Variants in CNBD1 observed in about 807,000 individuals in gnomAD.
CNBD1 encodes the protein cyclic nucleotide binding domain containing 1.
CNBD1 carries 71 observed loss-of-function variants against 54.4 expected under a neutral mutation model. That is an observed-to-expected ratio of 1.30 (90% CI 1.08 to 1.59). The LOEUF (loss-of-function observed/expected upper bound fraction) is 1.59. Among genes scored for constraint, CNBD1 ranks in the 40% most tolerant of loss-of-function variants. The pLI, the probability that CNBD1 is intolerant of heterozygous loss-of-function variation, is 0.00. For missense variants in CNBD1, 659 were observed against 518.0 expected, an observed-to-expected ratio of 1.27 and a Z score of -2.64; for synonymous variants, 182 against 170.7, an observed-to-expected ratio of 1.07 and a Z score of -0.51.
intron 3 of CNBD1, among the ~76,000 whole-genome samples, chr8:86,928,643 T>G (rs997840394): frequency 2.6e-5 from 4 of 152,202 alleles, no homozygotes; most frequent in Admixed American, 2.0e-4. Context: ...CCAACAAGTA[T>G]TGAAATCCCC....
rs985006700 is a variant in CNBD1 at position 87,304,409 on chromosome 8, T to C, written c.1042+17738T>C. ...GGACAAAAAACCAAACACTGCATGT[T>C]CTCACTCATAGGTGGGAATTGAACA... On this transcript the variant is annotated intron_variant, in intron 8 of 10. Coordinates refer to ENST00000518476, the MANE Select transcript of CNBD1 (RefSeq NM_173538.3). 7.3e-4 allele frequency among the ~76,000 whole-genome samples: 111 copies of C among 152,030 alleles called. 1 individual carries two copies. The highest frequency in any genetic ancestry group is 2.5e-3 in the African/African-American group (105 of 41,432).
chr8:87,070,173 T>A (rs1165258977), intron 4 of CNBD1, among the ~76,000 whole-genome samples: 1 of 152,128 alleles, frequency 6.6e-6, no homozygotes, highest in East Asian at 1.9e-4. Context: ...CATTGTCACT[T>A]CATGGATCCT....
chr8:87,304,329 C>CT (rs772175361), intron 8 of CNBD1, among the ~76,000 whole-genome samples: 229 of 152,264 alleles, frequency 1.5e-3, no homozygotes, highest in Non-Finnish European at 2.4e-3. Flanking sequence ...AGTTCATGTC[C>CT]TTTGTAGAGA....
intron 4 of CNBD1, among the ~76,000 whole-genome samples, chr8:87,179,731 T>C (rs899901496): frequency 6.6e-5 from 10 of 152,192 alleles, no homozygotes; most frequent in African/African-American, 2.4e-4. Context: ...ATATAGAGTT[T>C]ATAATCATTC....
intron 4 of CNBD1, among the ~76,000 whole-genome samples, chr8:87,092,500 T>TATATACAC (rs1212013687): frequency 1.7e-4 from 25 of 147,862 alleles, no homozygotes; most frequent in African/African-American, 6.2e-4. Flanking sequence ...TGTGTGTATA[T>TATATACAC]ATATGTGTGT....
intron 10 of CNBD1, among the ~76,000 whole-genome samples, chr8:87,372,528 A>G (rs1200717456): frequency 6.6e-6 from 1 of 151,916 alleles, no homozygotes; most frequent in African/African-American, 2.4e-5. Context: ...TAGAGTCACC[A>G]TAAACGTGGT....
chr8:87,087,168 T>A (rs1811110481), intron 4 of CNBD1, among the ~76,000 whole-genome samples: 1 of 110,222 alleles, frequency 9.1e-6, no homozygotes, highest in Non-Finnish European at 1.9e-5. Flanking sequence ...CAGGAATATG[T>A]ATGAGGCAAA....
In CNBD1 at chr8:87,130,354, C is replaced by T. The variant is rs148011408; in HGVS notation, c.432-75639C>T. ...TGCATCTTGATGAATTTTCCATCTG[C>T]TCTTGAAAAGAATGTGTACTCTGAA... is the stretch of plus-strand genomic sequence containing the variant. On this transcript the variant is annotated intron_variant, in intron 4 of 10. Coordinates refer to ENST00000518476, the MANE Select transcript of CNBD1 (RefSeq NM_173538.3). Among the ~76,000 whole-genome samples the T allele has an allele frequency of 1.4e-3, 206 of 152,198 alleles. 1 individual carries two copies. The highest frequency in any genetic ancestry group is 4.6e-3 in the African/African-American group (192 of 41,530).
Position 86,866,456 on chromosome 8 carries a change from A to G in CNBD1, c.-40A>G. 6.7e-7 allele frequency: 1 copy of G among 1,487,066 alleles called. No individual in the cohort carries two copies. Among genetic ancestry groups the G allele is most frequent in the Non-Finnish European group, 9.3e-7 (1 of 1,075,172 alleles). The allele number at this position is 1,487,066 out of a possible 1,614,324, so 92.1% of individuals were successfully genotyped here. A position where few individuals can be genotyped will look rare whatever the true frequency, so the allele number is the denominator to read the frequency against. The stretch of plus-strand genomic sequence containing the variant: ...GGCAAAGAGTGATCATTTGCCTCTC[A>G]AGCAGCCTCTGGTCATCTATCTGCC... On this transcript the variant is annotated 5_prime_UTR_variant, in exon 1 of 11. Coordinates refer to ENST00000518476, the MANE Select transcript of CNBD1 (RefSeq NM_173538.3).
intron 1 of CNBD1, among the ~76,000 whole-genome samples, chr8:86,884,316 G>A (rs1327499683): frequency 6.6e-6 from 1 of 152,140 alleles, no homozygotes; most frequent in East Asian, 1.9e-4. Context: ...GGCCCACTTG[G>A]GAATTGTCTC....
chr8:87,067,908 G>A (rs538239024), intron 4 of CNBD1, among the ~76,000 whole-genome samples: 60 of 151,964 alleles, frequency 3.9e-4, no homozygotes, highest in Non-Finnish European at 8.3e-4. Flanking sequence ...GCTGAAACTA[G>A]TTTGACCTAA....
chr8:86,874,993 TA>T (rs1808494348), intron 1 of CNBD1, among the ~76,000 whole-genome samples: 1 of 27,706 alleles, frequency 3.6e-5, no homozygotes, highest in Admixed American at 4.2e-4. Flanking sequence ...AATTTATATA[TA>T]TATATATATA....
intron 6 of CNBD1, among the ~76,000 whole-genome samples, chr8:87,267,891 GTTTAT>G (rs1276469411): frequency 2.0e-5 from 3 of 152,048 alleles, no homozygotes; most frequent in South Asian, 2.1e-4. Flanking sequence ...AATTCAAAGT[GTTTAT>G]TTTAACTATA....
chr8:87,205,183 G>C (rs936271550), intron 4 of CNBD1, among the ~76,000 whole-genome samples: 1 of 152,036 alleles, frequency 6.6e-6, no homozygotes, highest in Non-Finnish European at 1.5e-5. Context: ...TTAAAAATTT[G>C]CTTGAAAACT....
At chr8:87,084,973 C>G (rs957462260) in intron 4 of CNBD1, among the ~76,000 whole-genome samples, 5 of 152,126 alleles carry the variant, frequency 3.3e-5, no homozygotes, top group African/African-American at 1.2e-4. Flanking sequence ...TACGCCCAGC[C>G]GTATTTAGTT....
chr8:87,358,716 T>C (rs959255006), intron 10 of CNBD1, among the ~76,000 whole-genome samples: 1 of 152,140 alleles, frequency 6.6e-6, no homozygotes, highest in Non-Finnish European at 1.5e-5. Flanking sequence ...ATTCAGGTTG[T>C]GTCTGAAGGT....
chr8:87,044,130 G>A (rs1029208944), intron 4 of CNBD1, among the ~76,000 whole-genome samples: 3 of 151,312 alleles, frequency 2.0e-5, no homozygotes, highest in Non-Finnish European at 4.4e-5. Context: ...TTTTATTTTG[G>A]TTTTCTACAG....
chr8:87,191,396 AG>A (rs993009496), intron 4 of CNBD1, among the ~76,000 whole-genome samples: 3 of 152,124 alleles, frequency 2.0e-5, no homozygotes, highest in African/African-American at 7.2e-5. Flanking sequence ...ACCCAAATTG[AG>A]GGTGGGTCTT....
At chr8:87,383,186 A>G (rs1470450549), downstream of CNBD1, among the ~76,000 whole-genome samples, 1 of 152,016 alleles carries the variant, frequency 6.6e-6, no homozygotes, top group Admixed American at 6.6e-5. Context: ...CATTTCCTTG[A>G]TGTGATTATA....
Sources: allele counts gnomAD v4.1 joint callset (sites outside exome capture counted in the v4.1 genomes callset), GRCh38; gene constraint gnomAD v4.1.1; transcripts MANE v1.5; gene names NCBI Gene and HGNC (gene_info 2026-07-23, HGNC 2026-07-21).